ACTN2: variants seen among roughly 807,000 people sequenced by gnomAD.
The protein encoded by ACTN2 is actinin alpha 2.
ACTN2 carries 39 observed loss-of-function variants against 113.8 expected under a neutral mutation model. The observed-to-expected ratio is 0.34, with a 90% CI of 0.27 to 0.45. ACTN2 has a LOEUF of 0.45. ACTN2 is among the 20% of genes least tolerant of loss of function. The pLI is 1.00. For synonymous variants in ACTN2, 429 were observed against 444.1 expected, an observed-to-expected ratio of 0.97 and a Z score of 0.43; for missense variants, 992 against 1,177.9, an observed-to-expected ratio of 0.84 and a Z score of 2.31.
chr1:236,752,585 T>G (rs891117184), intron 15 of ACTN2, among the ~76,000 whole-genome samples: 1 of 152,188 alleles, frequency 6.6e-6, no homozygotes, highest in Non-Finnish European at 1.5e-5. Context: ...AGAGTCTCAC[T>G]CTGTTGCCCA....
chr1:236,722,634 C>CAAAAAAAAA (rs35608028), intron 4 of ACTN2, among the ~76,000 whole-genome samples: 10 of 111,930 alleles, frequency 8.9e-5, no homozygotes, highest in Non-Finnish European at 1.2e-4. Flanking sequence ...GACTCCGTCT[C>CAAAAAAAAA]AAAAAAAAAA....
chr1:236,754,181 A>T lies in ACTN2; in HGVS notation c.1974+100A>T. The stretch of plus-strand genomic sequence containing the variant: ...CACATGCTGTGGTTTCCAGCCACCC[A>T]CTCAGTCAGGTGGGAGCACCGTTCT... On this transcript the variant is annotated intron_variant, in intron 16 of 20. Coordinates refer to ENST00000366578, the MANE Select transcript of ACTN2 (RefSeq NM_001103.4). The surrounding 1 kb of genome is among the most constrained non-coding windows in gnomAD (Gnocchi z 4.9). 6.6e-7 allele frequency: 1 copy of T among 1,514,024 alleles called. No homozygotes were observed. Among genetic ancestry groups the T allele is most frequent in the South Asian group, 1.1e-5 (1 of 88,314 alleles). The allele number at this position is 1,514,024 out of a possible 1,614,324, so 93.8% of individuals were successfully genotyped here.
rs776949171 is a variant in ACTN2, at chr1:236,762,434, T to A, written c.2527-27T>A. 10 of 1,613,682 alleles carry A rather than the reference T, an allele frequency of 6.2e-6. No individual in the cohort carries two copies. In the East Asian group the frequency reaches 2.0e-4, roughly 32 times the overall value. The stretch of plus-strand genomic sequence containing the variant: ...ATGTTGTGGTGTTTCTGCAACTGAC[T>A]GCAAACACGTGTGTATTTTTTCCCA... On this transcript the variant is annotated intron_variant, in intron 20 of 20. Coordinates refer to ENST00000366578, the MANE Select transcript of ACTN2 (RefSeq NM_001103.4).
At chr1:236,734,385 T>A in intron 7 of ACTN2, 8 of 1,358,300 alleles carry the variant, frequency 5.9e-6, no homozygotes, top group Non-Finnish European at 8.1e-6. Flanking sequence ...AGCAGAAGCC[T>A]GCTGGTATTA....
chr1:236,710,321 A>G (rs1319287458), intron 1 of ACTN2, among the ~76,000 whole-genome samples: 4 of 152,272 alleles, frequency 2.6e-5, no homozygotes, highest in Non-Finnish European at 5.9e-5. Flanking sequence ...TAGCGATTGA[A>G]TAACACTGGT....
chr1:236,692,345 C>G (rs927103384), intron 1 of ACTN2, among the ~76,000 whole-genome samples: 1 of 152,192 alleles, frequency 6.6e-6, no homozygotes, highest in Non-Finnish European at 1.5e-5. Context: ...AAGCAACAAC[C>G]AAACTAATGA....
At chr1:236,719,236 A>G (rs748210204) in intron 3 of ACTN2, among the ~76,000 whole-genome samples, 36 of 152,218 alleles carry the variant, frequency 2.4e-4, no homozygotes, top group African/African-American at 7.7e-4. Flanking sequence ...ATTAAATATA[A>G]TGCTGTCATC....
rs765145329 is a variant in ACTN2, at chr1:236,726,031, AG to A, written c.536+14del. The A allele has an allele frequency of 6.2e-7, 1 of 1,611,228 alleles. No individual in the cohort carries two copies. Among genetic ancestry groups the A allele is most frequent in the South Asian group, 1.1e-5 (1 of 91,000 alleles). On this transcript the variant is annotated intron_variant, in intron 5 of 20. Coordinates refer to ENST00000366578, the MANE Select transcript of ACTN2 (RefSeq NM_001103.4). Reference sequence around the variant, plus strand: ...GAACTTCCATACTAGGTGAGCACCCAGGGCCCCTGGTCCTTGTATTCTCAGT... The same window carrying A: ...GAACTTCCATACTAGGTGAGCACCCAGGCCCCTGGTCCTTGTATTCTCAGT...
Position 236,762,688 on chromosome 1 carries a change from G to GGT in ACTN2, c.*69_*70insGT. 1 of 1,561,656 alleles carries GGT rather than the reference G, an allele frequency of 6.4e-7. No homozygotes were observed. Among genetic ancestry groups the GGT allele is most frequent in the Non-Finnish European group, 8.7e-7 (1 of 1,149,264 alleles). ...AGCGGAAGTCACAGTTTGTTTCCTG[G>GGT]AAACTTTGACAAGCTTTATTAAGTT... On this transcript the variant is annotated 3_prime_UTR_variant, in exon 21 of 21. Coordinates refer to ENST00000366578, the MANE Select transcript of ACTN2 (RefSeq NM_001103.4).
chr1:236,709,724 T>C (rs1336182046), intron 1 of ACTN2, among the ~76,000 whole-genome samples: 1 of 152,092 alleles, frequency 6.6e-6, no homozygotes, highest in Non-Finnish European at 1.5e-5. Flanking sequence ...TGTCTTATAA[T>C]TGGTAGGTTT....
chr1:236,727,211 G>GCT (rs1410130376), intron 5 of ACTN2, among the ~76,000 whole-genome samples: 10 of 152,174 alleles, frequency 6.6e-5, no homozygotes, highest in Non-Finnish European at 1.0e-4. Context: ...TAAAGACAGA[G>GCT]GAGTATCTGG....
chr1:236,737,048 AC>A, intron 8 of ACTN2, 73 bp from the exon 9 acceptor site: 1 of 1,292,804 alleles, frequency 7.7e-7, no homozygotes, highest in Non-Finnish European at 1.1e-6. Flanking sequence ...CCCTCTCATC[AC>A]CCACCTCGTT....
chr1:236,736,767 G>A lies in ACTN2; in HGVS notation c.784-355G>A, dbSNP rs1265469224. The A allele has an allele frequency of 6.4e-6, 5 of 777,092 alleles. No individual in the cohort carries two copies. The Admixed American group carries it at 1.3e-4, about 20-fold the overall frequency. The allele number at this position is 777,092 out of a possible 1,614,324, so 48.1% of individuals were successfully genotyped here. ...ATCCCATCGTCATGAGATCAGTGGA[G>A]AGTTCAGGTGGACATTCAGGGACCC... On this transcript the variant is annotated intron_variant, in intron 8 of 20. Transcript: ENST00000366578.
rs986388292 is a variant in ACTN2, at chr1:236,754,679, C to T, written c.1975-340C>T. On this transcript the variant is annotated intron_variant, in intron 16 of 20. Transcript: ENST00000366578. The surrounding 1 kb of genome is among the most constrained non-coding windows in gnomAD (Gnocchi z 4.9). ...GTCTGGCAGCTCCACCCAGGCAGCCCACCCCCAGCCTCCTCCAGAGCAGGG... is the reference window on the plus strand; with the variant it reads ...GTCTGGCAGCTCCACCCAGGCAGCCTACCCCCAGCCTCCTCCAGAGCAGGG... Among the ~76,000 whole-genome samples the T allele has an allele frequency of 6.6e-6, 1 of 151,808 alleles. No individual in the cohort carries two copies. Among genetic ancestry groups the T allele is most frequent in the Non-Finnish European group, 1.5e-5 (1 of 68,050 alleles).
Position 236,763,371 on chromosome 1 carries a change from T to C in ACTN2, c.*752T>C, listed in dbSNP as rs1042754223. On this transcript the variant is annotated 3_prime_UTR_variant, in exon 21 of 21. Coordinates refer to ENST00000366578, the MANE Select transcript of ACTN2 (RefSeq NM_001103.4). ...AGAAGGATGCAATCACTAGGTAAAA[T>C]GAGGTTTTTAGGATTATTTATTGAT... 2.6e-5 allele frequency: 4 copies of C among 152,650 alleles called. No homozygotes were observed. Among genetic ancestry groups the C allele is most frequent in the African/African-American group, 9.7e-5 (4 of 41,406 alleles). The allele number at this position is 152,650 out of a possible 1,614,324, so 9.5% of individuals were successfully genotyped here.
chr1:236,742,876 T>C lies in ACTN2; in HGVS notation c.1108-20T>C, dbSNP rs771978488. 6.2e-7 allele frequency: 1 copy of C among 1,614,172 alleles called. No homozygotes were observed. Among genetic ancestry groups the C allele is most frequent in the Non-Finnish European group, 8.5e-7 (1 of 1,180,024 alleles). The stretch of plus-strand genomic sequence containing the variant: ...GGTGCTTGTTACACATTTGCTTCCC[T>C]TGGCTTCCAACCATCCCAGGATATT... On this transcript the variant is annotated intron_variant, in intron 10 of 20. Coordinates refer to ENST00000366578, the MANE Select transcript of ACTN2 (RefSeq NM_001103.4).
At chr1:236,710,578 A>G (rs1657993933) in intron 1 of ACTN2, among the ~76,000 whole-genome samples, 1 of 152,202 alleles carries the variant, frequency 6.6e-6, no homozygotes. Context: ...GTTGAGGAAC[A>G]TCCTCCGGGT....
chr1:236,725,471 T>C (rs1658519854), intron 4 of ACTN2, among the ~76,000 whole-genome samples: 1 of 151,962 alleles, frequency 6.6e-6, no homozygotes, highest in South Asian at 2.1e-4. Flanking sequence ...CTACTAAAAA[T>C]ACAAAAATTA....
At chr1:236,724,060 G>A (rs543198616) in intron 4 of ACTN2, among the ~76,000 whole-genome samples, 1 of 152,244 alleles carries the variant, frequency 6.6e-6, no homozygotes, top group East Asian at 1.9e-4. Context: ...TTAAACAGCC[G>A]ACCTTTATTT....
Sources: gnomAD v4.1 joint callset for allele counts (sites outside exome capture counted in the v4.1 genomes callset) on GRCh38, gnomAD v4.1.1 for gene constraint, Gnocchi (gnomAD v3.1) non-coding constraint, MANE v1.5 for transcripts, NCBI Gene and HGNC (gene_info 2026-07-23, HGNC 2026-07-21) for gene names.